CTNNA2: variants seen among roughly 807,000 people sequenced by gnomAD.
CTNNA2 encodes the protein catenin alpha-2.
CTNNA2 carries 42 observed loss-of-function variants against 101.0 expected under a neutral mutation model. That is an observed-to-expected ratio of 0.42 (90% confidence interval 0.32 to 0.54). The LOEUF is 0.54. Among genes scored for constraint, CTNNA2 ranks in the 20% least tolerant of loss-of-function variants. The pLI, the probability that CTNNA2 is intolerant of heterozygous loss-of-function variation, is 0.14. For synonymous variants in CTNNA2, 450 were observed against 456.4 expected (o/e 0.99, Z 0.18); for missense variants, 871 against 1,223.1 (o/e 0.71, Z 4.29).
intron 16 of CTNNA2, among the ~76,000 whole-genome samples, chr2:80,607,925 C>T (rs1228016792): frequency 6.6e-6 from 1 of 151,842 alleles, no homozygotes; most frequent in Non-Finnish European, 1.5e-5. Context: ...TAAAAATACT[C>T]ATAAACATGT....
chr2:79,644,361 C>A (rs2104437754), intron 1 of CTNNA2, among the ~76,000 whole-genome samples: 1 of 152,266 alleles, frequency 6.6e-6, no homozygotes, highest in African/African-American at 2.4e-5. Flanking sequence ...TTTAAGGGGT[C>A]ATGTGATTAC....
chr2:80,385,728 G>A (rs1441428515), intron 7 of CTNNA2, among the ~76,000 whole-genome samples: 4 of 151,052 alleles, frequency 2.6e-5, no homozygotes, highest in South Asian at 2.1e-4. Context: ...GTCTTTCTCC[G>A]TCTTCCTCTG....
chr2:80,296,728 G>A (rs1289594319), intron 7 of CTNNA2, among the ~76,000 whole-genome samples: 1 of 152,094 alleles, frequency 6.6e-6, no homozygotes, highest in Non-Finnish European at 1.5e-5. Context: ...TGACATTTTA[G>A]GTCAAATAAT....
intron 2 of CTNNA2, among the ~76,000 whole-genome samples, chr2:79,259,751 G>C (rs1445771356): frequency 6.6e-6 from 1 of 152,150 alleles, no homozygotes; most frequent in East Asian, 1.9e-4. Flanking sequence ...CACAGCTGCA[G>C]TCAGGGCTTT....
chr2:80,363,534 T>G (rs1408730584), intron 7 of CTNNA2, among the ~76,000 whole-genome samples: 2 of 152,148 alleles, frequency 1.3e-5, no homozygotes, highest in African/African-American at 4.8e-5. Flanking sequence ...ATCACCTTCG[T>G]GGTGATGAAT....
chr2:80,040,278 A>G (rs1182097638), intron 7 of CTNNA2, among the ~76,000 whole-genome samples: 1 of 152,236 alleles, frequency 6.6e-6, no homozygotes, highest in Non-Finnish European at 1.5e-5. Flanking sequence ...TATTATTCAA[A>G]GAAGGTTTGT....
At chr2:80,503,724 G>A (rs1382168222) in intron 9 of CTNNA2, among the ~76,000 whole-genome samples, 1 of 152,140 alleles carries the variant, frequency 6.6e-6, no homozygotes, top group Admixed American at 6.6e-5. Flanking sequence ...AAAAAGGGAA[G>A]CTCTGGCCAA....
intron 9 of CTNNA2, among the ~76,000 whole-genome samples, chr2:80,470,400 A>G (rs1228113922): frequency 6.6e-6 from 1 of 152,134 alleles, no homozygotes; most frequent in East Asian, 1.9e-4. Context: ...CCCTGCCTTC[A>G]CATGCCAGTA....
At chr2:80,171,026 A>T (rs1480233844) in intron 7 of CTNNA2, among the ~76,000 whole-genome samples, 2 of 152,234 alleles carry the variant, frequency 1.3e-5, no homozygotes, top group African/African-American at 4.8e-5. Flanking sequence ...TGATTAGCAG[A>T]AGACCTGGCT....
rs925638062 is a variant in CTNNA2 at position 80,581,873 on chromosome 2, A to G, written c.2007+54A>G. ...GCACACAGGGACCGTGTTTACTAAA[A>G]TGGTTTGAGGGTATTTCTAAACTCC... On this transcript the variant is annotated intron_variant, in intron 14 of 18. Coordinates refer to ENST00000402739, the MANE Select transcript of CTNNA2 (RefSeq NM_001282597.3). 8.4e-6 allele frequency: 9 copies of G among 1,070,554 alleles called. No homozygotes were observed. In the African/African-American group the frequency reaches 1.4e-4, roughly 17 times the overall value. 66.3% of individuals were successfully genotyped at this position (1,070,554 alleles called of 1,614,324 possible).
intron 3 of CTNNA2, among the ~76,000 whole-genome samples, chr2:79,751,003 G>A (rs1288404607): frequency 2.0e-5 from 3 of 152,098 alleles, no homozygotes; most frequent in Non-Finnish European, 4.4e-5. Context: ...AGGTACACAG[G>A]AATATGTGTT....
intron 2 of CTNNA2, among the ~76,000 whole-genome samples, chr2:79,731,100 GGTTT>G (rs745542487): frequency 2.6e-5 from 4 of 151,874 alleles, no homozygotes; most frequent in East Asian, 1.9e-4. Context: ...TCAAAATATG[GGTTT>G]GTTTGTTTGT....
intron 2 of CTNNA2, among the ~76,000 whole-genome samples, chr2:79,658,888 T>C (rs1308525189): frequency 2.6e-5 from 4 of 152,100 alleles, no homozygotes; most frequent in Non-Finnish European, 4.4e-5. Context: ...GTGAATTTTA[T>C]AGTTGAACCA....
At chr2:79,433,398 G>T (rs1678676934) in intron 4 of CTNNA2, among the ~76,000 whole-genome samples, 1 of 152,110 alleles carries the variant, frequency 6.6e-6, no homozygotes, top group African/African-American at 2.4e-5. Flanking sequence ...GATTAGTGCT[G>T]CTGGGGGTGC....
At position 80,122,359 on chromosome 2, in the gene CTNNA2, C is replaced by A. The variant is rs892421843; in HGVS notation, c.1056+212562C>A. Among the ~76,000 whole-genome samples, 27 of 151,078 alleles carry A rather than the reference C, an allele frequency of 1.8e-4. No individual in the cohort carries two copies. The Admixed American group carries it at 1.8e-3, about 10-fold the overall frequency. On this transcript the variant is annotated intron_variant, in intron 7 of 18. Transcript: ENST00000402739. ...CTCTGTCTCTTTCTCTCTCTCCCCC[C>A]TTCCTTTTTTGCTCTCTCTCCCAGC... is the stretch of plus-strand genomic sequence containing the variant.
At chr2:80,092,164 C>T (rs1699830669) in intron 7 of CTNNA2, among the ~76,000 whole-genome samples, 2 of 152,100 alleles carry the variant, frequency 1.3e-5, no homozygotes, top group Admixed American at 6.6e-5. Flanking sequence ...AAGCCTTTCT[C>T]TCTTGGGTTT....
At chr2:79,490,040 T>C (rs1175002172) in intron 4 of CTNNA2, among the ~76,000 whole-genome samples, 4 of 152,180 alleles carry the variant, frequency 2.6e-5, no homozygotes, top group African/African-American at 9.6e-5. Context: ...AGCTCATTCA[T>C]CTGGTGGCCT....
At chr2:80,498,970 G>A (rs1687668608) in intron 9 of CTNNA2, among the ~76,000 whole-genome samples, 3 of 152,064 alleles carry the variant, frequency 2.0e-5, no homozygotes, top group Admixed American at 2.0e-4. Context: ...TAACCCAGAT[G>A]CACTTAAAAT....
chr2:79,584,638 C>T (rs1050646680), intron 1 of CTNNA2, among the ~76,000 whole-genome samples: 6 of 151,692 alleles, frequency 4.0e-5, no homozygotes, highest in Non-Finnish European at 5.9e-5. Flanking sequence ...GATTCTCCTT[C>T]CTCAGCCTCC....
Sources: allele counts gnomAD v4.1 joint callset (sites outside exome capture counted in the v4.1 genomes callset), GRCh38; gene constraint gnomAD v4.1.1; transcripts MANE v1.5; gene names NCBI Gene and HGNC (gene_info 2026-07-23, HGNC 2026-07-21).